Variants in VPS53 observed in about 807,000 individuals in gnomAD.
The protein encoded by VPS53 is vacuolar protein sorting-associated protein 53 homolog.
In VPS53, 70 loss-of-function variants were observed where a neutral mutation model predicts 107.0. The ratio of observed to expected loss-of-function variants is 0.65; its 90% CI spans 0.54 to 0.80. The LOEUF (loss-of-function observed/expected upper bound fraction) is 0.80. Ranked by LOEUF, VPS53 falls within the 30% of genes least tolerant of loss-of-function variation. The probability of loss-of-function intolerance (pLI) is 0.00; values close to 1 mark genes in which losing one functional copy is unlikely to be tolerated. For missense variants in VPS53, 917 were observed against 1,049.4 expected, an observed-to-expected ratio of 0.87 and a Z score of 1.74; for synonymous variants, 409 against 393.3, an observed-to-expected ratio of 1.04 and a Z score of -0.47.
At chr17:590,065 C>T (rs935493264) in intron 12 of VPS53, among the ~76,000 whole-genome samples, 11 of 152,096 alleles carry the variant, frequency 7.2e-5, no homozygotes, top group East Asian at 1.9e-4. Flanking sequence ...AGCAGTGGTT[C>T]GTAGTTCTCC....
At chr17:642,007 CG>C (rs1294592010) in intron 7 of VPS53, among the ~76,000 whole-genome samples, 3 of 152,154 alleles carry the variant, frequency 2.0e-5, no homozygotes, top group Non-Finnish European at 4.4e-5. Flanking sequence ...CTCAGCTTTT[CG>C]TAAGGGGGAG....
In VPS53 at chr17:519,164, G is replaced by T. The variant is rs1363094429; in HGVS notation, c.2463C>A (p.Ile821=). The T allele has an allele frequency of 1.3e-6, 2 of 1,543,336 alleles. No homozygotes were observed. The change falls in exon 22 of 22, where the codon ATC becomes ATA. Residue 821 remains isoleucine, a synonymous_variant. Transcript: ENST00000437048. This position sits in a 1 kb window ranked among gnomAD's most constrained non-coding sequence, Gnocchi z 5.0. ...TTTTAATGAGTTTCTCGAGCTTGCG[G>T]ATGCGTGACGACTCTTGCTCTGGTG... ...APTPEQESSR[I]RKLEKLIKKR...
chr17:699,229 G>C lies in VPS53; in HGVS notation c.218+102C>G, dbSNP rs2543781. 406,957 of 864,570 alleles carry C rather than the reference G, an allele frequency of 0.47. 102,517 individuals carry two copies. Among genetic ancestry groups the C allele is most frequent in the Non-Finnish European group, 0.52 (315,848 of 604,332 alleles). The allele number at this position is 864,570 out of a possible 1,614,324, so 53.6% of individuals were successfully genotyped here. On this transcript the variant is annotated intron_variant, in intron 3 of 21. Coordinates refer to ENST00000437048, the MANE Select transcript of VPS53 (RefSeq NM_001128159.3). ...TTATATTACCATCTATGGCAAACTTGAGATTTCAGTGCTCTCACAGAAAAA... is the reference window on the plus strand; with the variant it reads ...TTATATTACCATCTATGGCAAACTTCAGATTTCAGTGCTCTCACAGAAAAA...
chr17:666,880 T>C (rs8068885), intron 4 of VPS53, among the ~76,000 whole-genome samples: 13,303 of 151,834 alleles, frequency 0.088, 883 homozygotes, highest in East Asian at 0.38. Flanking sequence ...GATGGTGCCA[T>C]TGCACTCCAG....
chr17:699,200 G>A, intron 3 of VPS53, 131 bp downstream of exon 3: 1 of 561,354 alleles, frequency 1.8e-6, no homozygotes. Context: ...AATTTTAAAA[G>A]GAATTATATT....
intron 4 of VPS53, among the ~76,000 whole-genome samples, chr17:664,359 T>G (rs1971592125): frequency 6.6e-6 from 1 of 152,138 alleles, no homozygotes. Flanking sequence ...ATTACAGACG[T>G]GAGCCGCCGC....
At chr17:574,311 TG>T (rs1178406567) in intron 13 of VPS53, among the ~76,000 whole-genome samples, 1 of 152,196 alleles carries the variant, frequency 6.6e-6, no homozygotes, top group Non-Finnish European at 1.5e-5. Flanking sequence ...AAGGGAGGCC[TG>T]GCTCCTTGCC....
At chr17:560,328 C>T (rs1912817258) in intron 15 of VPS53, 98 bp downstream of exon 15, 5 of 1,450,750 alleles carry the variant, frequency 3.4e-6, no homozygotes, top group Non-Finnish European at 3.7e-6. Flanking sequence ...CCAAGGTTGT[C>T]TGTGGCCATG....
At chr17:638,105 T>C (rs1459020621) in intron 7 of VPS53, among the ~76,000 whole-genome samples, 2 of 152,246 alleles carry the variant, frequency 1.3e-5, no homozygotes, top group Non-Finnish European at 2.9e-5. Context: ...ACTCCTGTAT[T>C]GGGTGCATAT....
In VPS53 at chr17:714,698, C is replaced by T. The variant is rs1973784159; in HGVS notation, c.12G>A (p.Glu4=). 35 of 1,613,418 alleles carry T rather than the reference C, an allele frequency of 2.2e-5. No homozygotes were observed. The highest frequency in any genetic ancestry group is 3.0e-5 in the Non-Finnish European group (35 of 1,179,752). Residue 4 remains glutamate, a synonymous_variant, in exon 1 of 22, where the codon GAG becomes GAA. Transcript: ENST00000437048. ...GCTCCTCCACGAACTCCAGTTCCTCCTCCTCCATCATTCCGCCACCCGGCC... is the reference window on the plus strand; with the variant it reads ...GCTCCTCCACGAACTCCAGTTCCTCTTCCTCCATCATTCCGCCACCCGGCC... MME[E]EELEFVEELE...
chr17:588,658 G>A (rs1235989488), intron 12 of VPS53, among the ~76,000 whole-genome samples: 2 of 152,226 alleles, frequency 1.3e-5, no homozygotes, highest in South Asian at 4.2e-4. Context: ...TCCTTCCTAA[G>A]AATAAATACA....
intron 10 of VPS53, among the ~76,000 whole-genome samples, chr17:625,055 G>A (rs566101182): frequency 1.6e-3 from 242 of 147,024 alleles, no homozygotes; most frequent in Non-Finnish European, 2.6e-3. Flanking sequence ...GCAATGGCAT[G>A]ATAATGGCCT....
intron 12 of VPS53, among the ~76,000 whole-genome samples, chr17:596,197 A>T (rs1200009620): frequency 6.6e-6 from 1 of 152,206 alleles, no homozygotes; most frequent in Non-Finnish European, 1.5e-5. Context: ...AAATATCTTT[A>T]TTTATTTTGC....
intron 3 of VPS53, among the ~76,000 whole-genome samples, chr17:699,104 T>A (rs545795806): frequency 6.6e-6 from 1 of 151,820 alleles, no homozygotes; most frequent in Non-Finnish European, 1.5e-5. Flanking sequence ...GAGGTGGAGG[T>A]TGCAGTGAGC....
chr17:523,406 G>A (rs1214076272), intron 19 of VPS53: 2 of 152,284 alleles, frequency 1.3e-5, no homozygotes, highest in African/African-American at 4.8e-5. Context: ...GCTTCTTTGG[G>A]AAAGCCTTCT....
chr17:685,028 T>A (rs1972536012), intron 4 of VPS53: 1 of 152,028 alleles, frequency 6.6e-6, no homozygotes, highest in Non-Finnish European at 1.5e-5. Context: ...GGAAAACAGA[T>A]CCCAATACCT....
Position 517,290 on chromosome 17 carries a change from G to T in VPS53, c.*1838C>A. On this transcript the variant is annotated 3_prime_UTR_variant, in exon 22 of 22. Transcript: ENST00000437048. ...CAAATTTGAGACGCTTGATGCGTGA[G>T]AGTCAAACCAGCTAGCAAGGACAGC... 2.5e-6 allele frequency: 1 copy of T among 395,474 alleles called. No homozygotes were observed. The highest frequency in any genetic ancestry group is 4.5e-6 in the Non-Finnish European group (1 of 224,454). The allele number at this position is 395,474 out of a possible 1,614,324, so 24.5% of individuals were successfully genotyped here. A position where few individuals can be genotyped will look rare whatever the true frequency, so the allele number is the denominator to read the frequency against.
intron 4 of VPS53, chr17:676,389 T>A (rs1972160650): frequency 6.6e-6 from 1 of 152,164 alleles, no homozygotes; most frequent in African/African-American, 2.4e-5. Context: ...TGGCAGTAAT[T>A]CCGCAATTTT....
At chr17:579,643 C>T (rs1966883275) in intron 13 of VPS53, among the ~76,000 whole-genome samples, 1 of 151,380 alleles carries the variant, frequency 6.6e-6, no homozygotes, top group African/African-American at 2.4e-5. Context: ...GAACTTCCCT[C>T]AGAACCTAAT....
Sources: gnomAD v4.1 joint callset for allele counts (sites outside exome capture counted in the v4.1 genomes callset) on GRCh38, gnomAD v4.1.1 for gene constraint, Gnocchi (gnomAD v3.1) non-coding constraint, MANE v1.5 for transcripts, NCBI Gene and HGNC (gene_info 2026-07-23, HGNC 2026-07-21) for gene names.